C10orf143: variants seen among roughly 807,000 people sequenced by gnomAD.
The protein encoded by C10orf143 is chromosome 10 open reading frame 143.
intron 1 of C10orf143, chr10:130,105,961 C>A: frequency 2.6e-6 from 1 of 390,284 alleles, no homozygotes. Flanking sequence ...GGTGCGGATT[C>A]GGGTTCCGGA....
intron 3 of C10orf143, among the ~76,000 whole-genome samples, chr10:130,071,172 G>C (rs1861026631): frequency 6.6e-6 from 1 of 152,168 alleles, no homozygotes; most frequent in South Asian, 2.1e-4. Flanking sequence ...GCCTGCCTCA[G>C]CCTCCCAAAT....
intron 1 of C10orf143, among the ~76,000 whole-genome samples, chr10:130,096,176 A>G (rs960654375): frequency 1.3e-5 from 2 of 152,210 alleles, no homozygotes; most frequent in African/African-American, 4.8e-5. Flanking sequence ...TTATGAGGCC[A>G]ACGAACATGA....
intron 4 of C10orf143, among the ~76,000 whole-genome samples, chr10:130,035,649 TG>T (rs34606725): frequency 0.096 from 14,642 of 152,188 alleles, 999 homozygotes; most frequent in East Asian, 0.27. Context: ...TCCTCTAGGG[TG>T]GTAGCTGCCA....
chr10:130,048,491 G>T (rs1860701876), intron 3 of C10orf143, among the ~76,000 whole-genome samples: 1 of 152,120 alleles, frequency 6.6e-6, no homozygotes, highest in South Asian at 2.1e-4. Context: ...TGGGACACCA[G>T]GGTCCCTGCA....
intron 3 of C10orf143, among the ~76,000 whole-genome samples, chr10:130,069,597 T>C (rs1045226401): frequency 7.2e-6 from 1 of 138,792 alleles, no homozygotes; most frequent in African/African-American, 2.6e-5. Flanking sequence ...TACTAGTCTA[T>C]CTGCAGATTT....
chr10:130,077,459 G>A (rs150424563), intron 3 of C10orf143, among the ~76,000 whole-genome samples: 1 of 152,320 alleles, frequency 6.6e-6, no homozygotes, highest in East Asian at 1.9e-4. Context: ...AGAATCACAT[G>A]TAAGTTTCCC....
chr10:130,094,389 A>G (rs1013180980), intron 1 of C10orf143, among the ~76,000 whole-genome samples: 1 of 152,220 alleles, frequency 6.6e-6, no homozygotes, highest in Non-Finnish European at 1.5e-5. Flanking sequence ...GGCCAGCATC[A>G]TTCTGATACC....
At chr10:130,055,617 C>A (rs1860785730) in intron 3 of C10orf143, among the ~76,000 whole-genome samples, 2 of 152,112 alleles carry the variant, frequency 1.3e-5, no homozygotes, top group African/African-American at 2.4e-5. Context: ...AATTATGAAT[C>A]ATCACTGAAT....
At chr10:130,108,161 A>G in intron 1 of C10orf143, 1 of 1,576,062 alleles carries the variant, frequency 6.3e-7, no homozygotes, top group Non-Finnish European at 8.7e-7. Context: ...TCCAGTGGAT[A>G]CAAGGGGCCC....
intron 1 of C10orf143, among the ~76,000 whole-genome samples, chr10:130,096,966 T>G (rs1564968347): frequency 7.0e-6 from 1 of 143,072 alleles, no homozygotes; most frequent in Admixed American, 6.9e-5. Flanking sequence ...AATTTTTTAA[T>G]TTTTTTTTTT....
At chr10:130,045,417 A>G (rs1860655492) in intron 3 of C10orf143, among the ~76,000 whole-genome samples, 1 of 152,168 alleles carries the variant, frequency 6.6e-6, no homozygotes, top group Non-Finnish European at 1.5e-5. Context: ...CTAGCAGGTG[A>G]CGAACCATAC....
At chr10:130,071,458 C>A (rs985639531) in intron 3 of C10orf143, among the ~76,000 whole-genome samples, 1 of 152,220 alleles carries the variant, frequency 6.6e-6, no homozygotes, top group African/African-American at 2.4e-5. Context: ...CTTCTCTGAA[C>A]TGCCAGGTCA....
intron 3 of C10orf143, among the ~76,000 whole-genome samples, chr10:130,045,436 C>A (rs1397186621): frequency 6.6e-6 from 1 of 152,250 alleles, no homozygotes; most frequent in Non-Finnish European, 1.5e-5. Flanking sequence ...ACAGCCCCAA[C>A]TCTGCTGCCC....
At chr10:130,043,797 C>T (rs540936836) in intron 3 of C10orf143, among the ~76,000 whole-genome samples, 15 of 152,376 alleles carry the variant, frequency 9.8e-5, no homozygotes, top group African/African-American at 3.6e-4. Context: ...GGGCACCGTC[C>T]ATCCTGACAG....
Position 130,110,731 on chromosome 10 carries a change from C to T in C10orf143, c.42G>A (p.Ala14=), listed in dbSNP as rs1861754486. ...CGTCCCCCGGAACCTGCAGATCCTC[C>T]GCCCTCCGCTGTCGCCAGCGGCCGA... ...LALGRWRQRR[A]EDLQVPGDVK... Residue 14 remains alanine (A), a synonymous_variant, in exon 1 of 4, where the codon GCG becomes GCA. Transcript: ENST00000637128. The T allele has an allele frequency of 5.0e-6, 2 of 398,970 alleles. No homozygotes were observed. 24.7% of individuals were successfully genotyped at this position (398,970 alleles called of 1,614,324 possible). A position where few individuals can be genotyped will look rare whatever the true frequency, so the allele number is the denominator to read the frequency against.
chr10:130,057,056 A>ATT (rs11435950), intron 3 of C10orf143, among the ~76,000 whole-genome samples: 1,925 of 133,548 alleles, frequency 0.014, 20 homozygotes, highest in Non-Finnish European at 0.021. Context: ...AGGCCCAGCT[A>ATT]TTTTTTTTTT....
rs185476253 is a variant in C10orf143 at position 130,071,219 on chromosome 10, A to T, written c.298-6836T>A. 2.3e-4 allele frequency among the ~76,000 whole-genome samples: 35 copies of T among 152,330 alleles called. 1 individual carries two copies. Among genetic ancestry groups the T allele is most frequent in the African/African-American group, 7.7e-4 (32 of 41,572 alleles). On this transcript the variant is annotated intron_variant, in intron 3 of 3. Transcript: ENST00000637128. Reference sequence around the variant, plus strand: ...TTTGTATACACTTTCTTGGGCATCTACTAGGGTATACACCTAGGACCATAT... The same window carrying T: ...TTTGTATACACTTTCTTGGGCATCTTCTAGGGTATACACCTAGGACCATAT...
intron 3 of C10orf143, among the ~76,000 whole-genome samples, chr10:130,039,937 G>T (rs1165893447): frequency 1.3e-5 from 2 of 152,216 alleles, no homozygotes; most frequent in South Asian, 4.1e-4. Flanking sequence ...CAGGGTTTGG[G>T]ATAAGAAACT....
At chr10:130,037,034 G>A (rs1270889184) in intron 3 of C10orf143, among the ~76,000 whole-genome samples, 2 of 152,174 alleles carry the variant, frequency 1.3e-5, no homozygotes, top group Admixed American at 6.5e-5. Flanking sequence ...CCTCTGAGGT[G>A]CAGATGCAGG....
Sources: allele counts gnomAD v4.1 joint callset (sites outside exome capture counted in the v4.1 genomes callset), GRCh38; gene constraint gnomAD v4.1.1; transcripts MANE v1.5; gene names NCBI Gene and HGNC (gene_info 2026-07-23, HGNC 2026-07-21).